The following EDN1 variants were observed in gnomAD, a reference collection of about 807,000 sequenced individuals.
EDN1 encodes endothelin 1.
Under a neutral mutation model 21.7 loss-of-function variants are expected in EDN1, and 11 were observed. The ratio of observed to expected loss-of-function variants is 0.51; its 90% CI spans 0.32 to 0.84. EDN1 has a LOEUF of 0.84. EDN1 is among the 40% of genes least tolerant of loss of function. The probability of loss-of-function intolerance (pLI) is 0.03; values close to 1 mark genes in which losing one functional copy is unlikely to be tolerated. For missense variants in EDN1, 244 were observed against 262.3 expected, an observed-to-expected ratio of 0.93 and a Z score of 0.48; for synonymous variants, 85 against 90.6, an observed-to-expected ratio of 0.94 and a Z score of 0.35.
chr6:12,252,330 A>G, the EDN1 span, among the ~76,000 whole-genome samples: 18 of 152,230 alleles, frequency 1.2e-4, no homozygotes, highest in Admixed American at 2.0e-4. Flanking sequence ...GAGGATAAAG[A>G]AAAGAACAAA....
chr6:12,273,901 T>C, the EDN1 span, among the ~76,000 whole-genome samples: 1 of 151,922 alleles, frequency 6.6e-6, no homozygotes, highest in Admixed American at 6.6e-5. Flanking sequence ...TTTGAGGAGG[T>C]CATACAATAA....
the EDN1 span, among the ~76,000 whole-genome samples, chr6:12,233,024 A>C: frequency 6.6e-6 from 1 of 152,244 alleles, no homozygotes; most frequent in Non-Finnish European, 1.5e-5. Context: ...GCTAGAAAAC[A>C]ATCTTAGAGC....
chr6:12,291,196 G>A (rs943085394), intron 1 of EDN1, among the ~76,000 whole-genome samples: 1 of 150,026 alleles, frequency 6.7e-6, no homozygotes, highest in African/African-American at 2.5e-5. Context: ...CAGAGCAAAA[G>A]TCTGTTGACT....
chr6:12,245,070 T>A, the EDN1 span, among the ~76,000 whole-genome samples: 1 of 152,180 alleles, frequency 6.6e-6, no homozygotes, highest in African/African-American at 2.4e-5. Flanking sequence ...AGTCACAAAA[T>A]GTCTTTTAAA....
rs1471376305 is a variant in EDN1 at position 12,290,369 on chromosome 6, C to G, written c.-261C>G. On this transcript the variant is annotated 5_prime_UTR_variant, in exon 1 of 5. Transcript: ENST00000379375. ...AGAGAGCTGTCCAAGTCAGACGCGC[C>G]TCTGCATCTGCGCCAGGCGAACGGG... 7.4e-6 allele frequency: 4 copies of G among 537,488 alleles called. No individual in the cohort carries two copies. Among genetic ancestry groups the G allele is most frequent in the Non-Finnish European group, 1.3e-5 (4 of 299,636 alleles). 33.3% of individuals were successfully genotyped at this position (537,488 alleles called of 1,614,324 possible). A position where few individuals can be genotyped will look rare whatever the true frequency, so the allele number is the denominator to read the frequency against.
the EDN1 span, among the ~76,000 whole-genome samples, chr6:12,256,333 A>G: frequency 1.3e-5 from 2 of 152,228 alleles, no homozygotes; most frequent in African/African-American, 4.8e-5. Flanking sequence ...AGCGTGGGCA[A>G]CAGAGTGAGA....
the EDN1 span, among the ~76,000 whole-genome samples, chr6:12,278,646 C>T: frequency 6.6e-6 from 1 of 152,208 alleles, no homozygotes; most frequent in African/African-American, 2.4e-5. Flanking sequence ...AATCCCAGCA[C>T]TTTCGGAGGC....
chr6:12,270,096 A>G, the EDN1 span, among the ~76,000 whole-genome samples: 1 of 152,026 alleles, frequency 6.6e-6, no homozygotes, highest in African/African-American at 2.4e-5. Context: ...AAAGTCACTT[A>G]TGATCCTTTG....
At chr6:12,271,237 T>C in the EDN1 span, among the ~76,000 whole-genome samples, 1 of 152,152 alleles carries the variant, frequency 6.6e-6, no homozygotes, top group Non-Finnish European at 1.5e-5. Context: ...TTTCCGGTTG[T>C]TTTGTTTATC....
In EDN1 at chr6:12,296,098, C is replaced by A; in HGVS notation, c.*31C>A. The A allele has an allele frequency of 6.3e-7, 1 of 1,594,460 alleles. No homozygotes were observed. ...CTTCGGGGCCTGTCTGAAGCCATAG[C>A]CTCCACGGAGAGCCCTGTGGCCGAC... is the stretch of plus-strand genomic sequence containing the variant. On this transcript the variant is annotated 3_prime_UTR_variant, in exon 5 of 5. Transcript: ENST00000379375.
the EDN1 span, among the ~76,000 whole-genome samples, chr6:12,252,899 A>C: frequency 2.0e-5 from 3 of 152,198 alleles, no homozygotes; most frequent in African/African-American, 7.2e-5. Context: ...TTGAAAAAGA[A>C]GAAAAAGAAG....
chr6:12,246,701 T>TTCTCAGTAAATTGTTCACGG, the EDN1 span, among the ~76,000 whole-genome samples: 8 of 151,164 alleles, frequency 5.3e-5, no homozygotes, highest in Admixed American at 4.6e-4. Flanking sequence ...TGTTCTCAGT[T>TTCTCAGTAAATTGTTCACGG]TAGACTTGTG....
At chr6:12,286,651 G>A (rs1762562401), upstream of EDN1, among the ~76,000 whole-genome samples, 1 of 152,206 alleles carries the variant, frequency 6.6e-6, no homozygotes, top group Non-Finnish European at 1.5e-5. Context: ...CAAAAGTTGA[G>A]AAAGGAAAGC....
At chr6:12,276,966 T>C in the EDN1 span, among the ~76,000 whole-genome samples, 1 of 152,208 alleles carries the variant, frequency 6.6e-6, no homozygotes, top group Non-Finnish European at 1.5e-5. Flanking sequence ...TTTTGGACAT[T>C]TGCTTCTTCA....
the EDN1 span, among the ~76,000 whole-genome samples, chr6:12,277,389 C>T: frequency 0.24 from 35,926 of 152,134 alleles, 5,003 homozygotes; most frequent in African/African-American, 0.38. Flanking sequence ...TCTATGTCGC[C>T]TCACATATCT....
the EDN1 span, among the ~76,000 whole-genome samples, chr6:12,245,706 C>T: frequency 6.6e-6 from 1 of 152,198 alleles, no homozygotes; most frequent in Non-Finnish European, 1.5e-5. Flanking sequence ...ATGCATTTTT[C>T]CTTCCCCTTT....
At chr6:12,231,299 A>G in the EDN1 span, among the ~76,000 whole-genome samples, 1,608 of 152,316 alleles carry the variant, frequency 0.011, 7 homozygotes, top group Non-Finnish European at 0.017. Context: ...CCAGTGTTCC[A>G]CCAACACTGC....
the EDN1 span, among the ~76,000 whole-genome samples, chr6:12,241,330 A>G: frequency 6.6e-6 from 1 of 151,648 alleles, no homozygotes; most frequent in African/African-American, 2.4e-5. Flanking sequence ...ACACCCGGCT[A>G]ATTTTTGTAT....
chr6:12,251,401 T>C, the EDN1 span, among the ~76,000 whole-genome samples: 5 of 152,332 alleles, frequency 3.3e-5, no homozygotes, highest in African/African-American at 9.6e-5. Context: ...CTCATCAAAC[T>C]TGAGGTGTCA....
Sources: gnomAD v4.1 joint callset for allele counts (sites outside exome capture counted in the v4.1 genomes callset) on GRCh38, gnomAD v4.1.1 for gene constraint, MANE v1.5 for transcripts, NCBI Gene and HGNC (gene_info 2026-07-23, HGNC 2026-07-21) for gene names.